The following ACSM3 variants were observed in gnomAD, a reference collection of about 807,000 sequenced individuals.
ACSM3 encodes acyl-CoA synthetase medium chain family member 3.
Under a neutral mutation model 74.1 loss-of-function variants are expected in ACSM3, and 61 were observed. The observed-to-expected ratio is 0.82, with a 90% CI of 0.67 to 1.02. The LOEUF (loss-of-function observed/expected upper bound fraction) is 1.02. ACSM3 is among the 50% of genes least tolerant of loss of function. The pLI, the probability that ACSM3 is intolerant of heterozygous loss-of-function variation, is 0.00. For missense variants in ACSM3, 660 were observed against 697.0 expected (o/e 0.95, Z 0.60); for synonymous variants, 213 against 241.5 (o/e 0.88, Z 1.09).
intron 1 of ACSM3, among the ~76,000 whole-genome samples, chr16:20,746,768 A>G (rs2079959633): frequency 1.3e-5 from 2 of 152,316 alleles, no homozygotes; most frequent in South Asian, 2.1e-4. Context: ...GTACCTACTC[A>G]GCCCTGCTGA....
chr16:20,760,007 G>A (rs1194001420), upstream of ACSM3, among the ~76,000 whole-genome samples: 1 of 152,120 alleles, frequency 6.6e-6, no homozygotes, highest in Non-Finnish European at 1.5e-5. Context: ...CAGCTACAGG[G>A]GGTGGCGGGG....
intron 1 of ACSM3, chr16:20,738,218 C>A (rs1363780627): frequency 2.0e-6 from 1 of 505,122 alleles, no homozygotes; most frequent in African/African-American, 1.9e-5. Context: ...CCGTTGTTAA[C>A]ATTTTTGTGA....
chr16:20,715,673 C>T (rs2079759227), intron 1 of ACSM3, among the ~76,000 whole-genome samples: 1 of 152,184 alleles, frequency 6.6e-6, no homozygotes, highest in Non-Finnish European at 1.5e-5. Context: ...TCTCATTCAT[C>T]ATCAAGATGA....
intron 1 of ACSM3, among the ~76,000 whole-genome samples, chr16:20,688,661 T>C (rs2079597545): frequency 6.6e-6 from 1 of 152,002 alleles, no homozygotes; most frequent in African/African-American, 2.4e-5. Context: ...ACCAAGAATT[T>C]TACATCCAGA....
chr16:20,722,698 A>G (rs528385315), intron 1 of ACSM3, among the ~76,000 whole-genome samples: 2 of 152,340 alleles, frequency 1.3e-5, no homozygotes, highest in East Asian at 1.9e-4. Flanking sequence ...AGATTCCACC[A>G]TGAAAGGTAA....
At chr16:20,751,884 TA>T (rs1162847047) in intron 2 of ACSM3, among the ~76,000 whole-genome samples, 1 of 152,180 alleles carries the variant, frequency 6.6e-6, no homozygotes, top group Non-Finnish European at 1.5e-5. Flanking sequence ...AACTTGGCAT[TA>T]AAACAAAAGG....
At position 20,781,025 on chromosome 16, in the gene ACSM3, G is replaced by A. The variant is rs143915869; in HGVS notation, c.834G>A (p.Thr278=). The A allele has an allele frequency of 1.2e-5, 19 of 1,614,034 alleles. No individual in the cohort carries two copies. The highest frequency in any genetic ancestry group is 8.0e-5 in the African/African-American group (6 of 74,900). ...PSDVMWNTSD[T]GWAKSAWSSV... ...ATGTGATGTGGAATACCTCAGATACGGGCTGGGCAAAGTCTGCATGGAGTA... is the reference window on the plus strand; with the variant it reads ...ATGTGATGTGGAATACCTCAGATACAGGCTGGGCAAAGTCTGCATGGAGTA... Residue 278 remains threonine, a synonymous_variant, in exon 6 of 14, where the codon ACG becomes ACA. Transcript: ENST00000289416.
chr16:20,793,776 G>C (rs1182483010), intron 12 of ACSM3, among the ~76,000 whole-genome samples: 1 of 152,212 alleles, frequency 6.6e-6, no homozygotes, highest in Non-Finnish European at 1.5e-5. Flanking sequence ...AACATCATCG[G>C]CAAGGTTTCA....
At position 20,775,729 on chromosome 16, in the gene ACSM3, A is replaced by G; in HGVS notation, c.220-110A>G. The G allele has an allele frequency of 2.8e-6, 3 of 1,063,844 alleles. 1 individual carries two copies. In the South Asian group the frequency reaches 4.2e-5, roughly 15 times the overall value. 65.9% of individuals were successfully genotyped at this position (1,063,844 alleles called of 1,614,324 possible). A position where few individuals can be genotyped will look rare whatever the true frequency, so the allele number is the denominator to read the frequency against. On this transcript the variant is annotated intron_variant, in intron 2 of 13. Transcript: ENST00000289416. ...TTTCCAAATTCTCCATCCATGTTCTAACTAATGACTTGCGAACTTTCTTCA... is the reference window on the plus strand; with the variant it reads ...TTTCCAAATTCTCCATCCATGTTCTGACTAATGACTTGCGAACTTTCTTCA...
Position 20,702,029 on chromosome 16 carries a change from A to G in ACSM3, c.-190+27207A>G, listed in dbSNP as rs150016734. Among the ~76,000 whole-genome samples the G allele has an allele frequency of 2.9e-3, 443 of 152,312 alleles. 3 individuals carry two copies. Among genetic ancestry groups the G allele is most frequent in the African/African-American group, 0.01 (421 of 41,558 alleles). On this transcript the variant is annotated intron_variant, in intron 1 of 3. Transcript: ENST00000561584. ...CATGTGCATGTATCTTTATAGTAGA[A>G]TGATTTCTAATCCTTTAGGTATATA...
chr16:20,696,574 G>T (rs1458539550), intron 1 of ACSM3, among the ~76,000 whole-genome samples: 1 of 152,212 alleles, frequency 6.6e-6, no homozygotes, highest in Non-Finnish European at 1.5e-5. Flanking sequence ...TACTATTGGA[G>T]ATTAATTAAA....
chr16:20,698,819 T>C (rs2079704131), intron 1 of ACSM3: 1 of 152,144 alleles, frequency 6.6e-6, no homozygotes, highest in African/African-American at 2.4e-5. Context: ...CCTACCTTAT[T>C]TGTAAAATAG....
chr16:20,731,157 C>T (rs1433012277), intron 1 of ACSM3, among the ~76,000 whole-genome samples: 1 of 152,210 alleles, frequency 6.6e-6, no homozygotes, highest in Non-Finnish European at 1.5e-5. Flanking sequence ...TAAGCCACTA[C>T]ACTCAGCCCC....
chr16:20,683,283 AT>A (rs1270641089), intron 1 of ACSM3, among the ~76,000 whole-genome samples: 3 of 151,732 alleles, frequency 2.0e-5, no homozygotes, highest in Non-Finnish European at 4.4e-5. Flanking sequence ...ATGCCCAGCT[AT>A]TTTTTATTAT....
chr16:20,751,987 A>T (rs547757627), intron 2 of ACSM3, among the ~76,000 whole-genome samples: 2 of 152,306 alleles, frequency 1.3e-5, no homozygotes, highest in South Asian at 4.1e-4. Context: ...CATTAAAAAA[A>T]ATGGATATAT....
At chr16:20,682,745 G>A (rs7498905) in intron 1 of ACSM3, among the ~76,000 whole-genome samples, 18,332 of 152,160 alleles carry the variant, frequency 0.12, 1,225 homozygotes, top group South Asian at 0.21. Flanking sequence ...GCCAAAAAAT[G>A]GGTGGACACT....
chr16:20,741,895 G>C (rs2079930414), intron 1 of ACSM3: 7 of 1,534,532 alleles, frequency 4.6e-6, no homozygotes, highest in Non-Finnish European at 5.2e-6. Context: ...CCTAAGGCCG[G>C]TCTGCAATCG....
Position 20,785,026 on chromosome 16 carries a change from A to G in ACSM3, c.1062A>G (p.Glu354=). 1 of 1,613,714 alleles carries G rather than the reference A, an allele frequency of 6.2e-7. No homozygotes were observed. The highest frequency in any genetic ancestry group is 8.5e-7 in the Non-Finnish European group (1 of 1,179,720). ...KSLKHCVSAG[E]PITPDVTEKW... ...TAAAGCACTGTGTGAGTGCTGGGGA[A>G]CCAATTACCCCTGACGTGACTGAAA... is the stretch of plus-strand genomic sequence containing the variant. Residue 354 remains glutamate (E), a synonymous_variant, in exon 8 of 14, where the codon GAA becomes GAG. Transcript: ENST00000289416.
rs2080742463 is a variant in ACSM3 at position 20,797,399 on chromosome 16, A to G, written c.*427A>G. 2 of 993,120 alleles carry G rather than the reference A, an allele frequency of 2.0e-6. No homozygotes were observed. The highest frequency in any genetic ancestry group is 3.4e-5 in the African/African-American group (2 of 58,214). The allele number at this position is 993,120 out of a possible 1,614,324, so 61.5% of individuals were successfully genotyped here. On this transcript the variant is annotated 3_prime_UTR_variant, in exon 14 of 14. Transcript: ENST00000289416. ...AGAAAAATATAAAATATCAGTTAGA[A>G]GATTATGATAATCTCAAAGTACAAG...
Sources: allele counts gnomAD v4.1 joint callset (sites outside exome capture counted in the v4.1 genomes callset), GRCh38; gene constraint gnomAD v4.1.1; transcripts MANE v1.5; gene names NCBI Gene and HGNC (gene_info 2026-07-23, HGNC 2026-07-21).